PPFIA2: variants seen among roughly 807,000 people sequenced by gnomAD.
PPFIA2 encodes the protein liprin-alpha-2.
Under a neutral mutation model 175.5 loss-of-function variants are expected in PPFIA2, and 46 were observed. The observed-to-expected ratio is 0.26, with a 90% CI of 0.21 to 0.34. PPFIA2 has a LOEUF of 0.34. PPFIA2 is among the 10% of genes least tolerant of loss of function. The pLI is 1.00. For missense variants in PPFIA2, 1,179 were observed against 1,506.1 expected, an observed-to-expected ratio of 0.78 and a Z score of 3.60; for synonymous variants, 568 against 511.4, an observed-to-expected ratio of 1.11 and a Z score of -1.49.
intron 27 of PPFIA2, chr12:81,279,403 T>C (rs1399439009): frequency 2.0e-5 from 3 of 152,160 alleles, no homozygotes; most frequent in Non-Finnish European, 4.4e-5. Context: ...ATAATACTGA[T>C]ATAATCACTA....
intron 4 of PPFIA2, among the ~76,000 whole-genome samples, chr12:81,660,871 G>C (rs940696568): frequency 2.0e-5 from 3 of 152,200 alleles, no homozygotes; most frequent in Admixed American, 6.5e-5. Context: ...CTACAAGCCA[G>C]ATGAGAGTGG....
chr12:81,726,133 C>T (rs1174803992), intron 3 of PPFIA2, among the ~76,000 whole-genome samples: 4 of 151,122 alleles, frequency 2.6e-5, no homozygotes, highest in African/African-American at 9.7e-5. Flanking sequence ...TACTGATATC[C>T]TATAACATCT....
At position 81,304,462 on chromosome 12, in the gene PPFIA2, C is replaced by A. The variant is rs79879020; in HGVS notation, c.2643-5080G>T. On this transcript the variant is annotated intron_variant, in intron 22 of 32. Transcript: ENST00000549396. ...ACATACATAAACAAAATAAGTTGAG[C>A]CATTGATATGTGTTCTACAGGAGGT... is the stretch of plus-strand genomic sequence containing the variant. 1.8e-3 allele frequency among the ~76,000 whole-genome samples: 276 copies of A among 152,142 alleles called. 2 individuals are homozygous for A. Among genetic ancestry groups the A allele is most frequent in the African/African-American group, 6.2e-3 (257 of 41,512 alleles).
At chr12:81,339,052 A>G in intron 21 of PPFIA2, 128 bp downstream of exon 21, 3 of 879,108 alleles carry the variant, frequency 3.4e-6, no homozygotes, top group South Asian at 2.6e-5. Flanking sequence ...TAATCAAAAT[A>G]TAAATTTTGT....
intron 16 of PPFIA2, 108 bp from the exon 17 acceptor site, chr12:81,353,447 C>A: frequency 2.7e-6 from 2 of 728,032 alleles, no homozygotes; most frequent in Admixed American, 5.1e-5. Context: ...ACTGACCTTG[C>A]AAAAACTGAA....
At chr12:81,575,956 G>A (rs1346496999) in intron 4 of PPFIA2, among the ~76,000 whole-genome samples, 1 of 151,684 alleles carries the variant, frequency 6.6e-6, no homozygotes, top group Non-Finnish European at 1.5e-5. Context: ...ATGGCTGGTT[G>A]AGCCCCAGCA....
chr12:81,564,954 A>G (rs146801048), intron 4 of PPFIA2, among the ~76,000 whole-genome samples: 7 of 152,194 alleles, frequency 4.6e-5, no homozygotes, highest in African/African-American at 1.7e-4. Context: ...AGGTGCATGC[A>G]CAACCTCACC....
At position 81,323,259 on chromosome 12, in the gene PPFIA2, T is replaced by G. The variant is rs530040098; in HGVS notation, c.2642+2518A>C. The stretch of plus-strand genomic sequence containing the variant: ...GGCTATCCTCACAAAGACTAATGAA[T>G]CTCTGCTATGAATTATGGGATAGTG... On this transcript the variant is annotated intron_variant, in intron 22 of 32. Transcript: ENST00000549396. Among the ~76,000 whole-genome samples, 6 of 152,090 alleles carry G rather than the reference T, an allele frequency of 3.9e-5. No homozygotes were observed. The South Asian group carries it at 1.2e-3, about 31-fold the overall frequency.
chr12:81,270,359 C>T (rs1025221053), intron 28 of PPFIA2, among the ~76,000 whole-genome samples: 2 of 151,880 alleles, frequency 1.3e-5, no homozygotes, highest in African/African-American at 4.8e-5. Flanking sequence ...ATTGTGTTCC[C>T]CAAAATTCTT....
Position 81,708,280 on chromosome 12 carries a change from T to C in PPFIA2, c.250-31436A>G, listed in dbSNP as rs144738410. On this transcript the variant is annotated intron_variant, in intron 3 of 32. Transcript: ENST00000549396. Reference sequence around the variant, plus strand: ...TTATGTTTTTAATTGGAAGAAAAATTTTAAAAACAGAGGGTGGTATATAAT... The same window carrying C: ...TTATGTTTTTAATTGGAAGAAAAATCTTAAAAACAGAGGGTGGTATATAAT... Among the ~76,000 whole-genome samples the C allele has an allele frequency of 6.4e-3, 974 of 152,068 alleles. 13 individuals carry two copies. Among genetic ancestry groups the C allele is most frequent in the African/African-American group, 0.023 (934 of 41,490 alleles).
chr12:81,738,975 G>A (rs2081995625), intron 3 of PPFIA2, among the ~76,000 whole-genome samples: 2 of 151,760 alleles, frequency 1.3e-5, no homozygotes, highest in South Asian at 4.2e-4. Flanking sequence ...GAATTCAAGG[G>A]AAAATACCAG....
intron 4 of PPFIA2, among the ~76,000 whole-genome samples, chr12:81,483,006 T>C (rs982685997): frequency 1.3e-5 from 2 of 152,128 alleles, no homozygotes; most frequent in Admixed American, 6.6e-5. Context: ...GTGATAAAAA[T>C]TGAATTGTGT....
At chr12:81,584,424 T>C (rs541548578) in intron 4 of PPFIA2, among the ~76,000 whole-genome samples, 1 of 151,878 alleles carries the variant, frequency 6.6e-6, no homozygotes, top group South Asian at 2.1e-4. Flanking sequence ...AGTCCTATTA[T>C]AACCTCAGAG....
intron 8 of PPFIA2, among the ~76,000 whole-genome samples, chr12:81,390,612 T>A (rs2039939533): frequency 6.6e-6 from 1 of 152,030 alleles, no homozygotes; most frequent in South Asian, 2.1e-4. Flanking sequence ...GCCTTCATAT[T>A]AATTGATTTA....
intron 4 of PPFIA2, among the ~76,000 whole-genome samples, chr12:81,663,675 T>C (rs922655057): frequency 2.4e-4 from 37 of 152,272 alleles, no homozygotes; most frequent in African/African-American, 8.4e-4. Flanking sequence ...CTTCACAGAA[T>C]TGGAAAAAAC....
chr12:81,568,468 T>C (rs118166018), intron 4 of PPFIA2, among the ~76,000 whole-genome samples: 14,505 of 152,248 alleles, frequency 0.095, 959 homozygotes, highest in Middle Eastern at 0.13. Context: ...CCTAGCTCTA[T>C]AGAGCTTCCT....
At chr12:81,542,231 T>C (rs1489087750) in intron 4 of PPFIA2, among the ~76,000 whole-genome samples, 1 of 152,014 alleles carries the variant, frequency 6.6e-6, no homozygotes, top group Non-Finnish European at 1.5e-5. Context: ...CCATGCAAGC[T>C]GAGACTGGGG....
At chr12:81,661,829 C>G (rs542142535) in intron 4 of PPFIA2, among the ~76,000 whole-genome samples, 1 of 152,132 alleles carries the variant, frequency 6.6e-6, no homozygotes, top group Admixed American at 6.6e-5. Context: ...TCTAAAAGAA[C>G]AGAAATTATA....
At chr12:81,680,760 C>A (rs940325971) in intron 3 of PPFIA2, among the ~76,000 whole-genome samples, 1 of 151,950 alleles carries the variant, frequency 6.6e-6, no homozygotes, top group Non-Finnish European at 1.5e-5. Context: ...AACAATACAG[C>A]CCACTTCTCT....
Sources: gnomAD v4.1 joint callset for allele counts (sites outside exome capture counted in the v4.1 genomes callset) on GRCh38, gnomAD v4.1.1 for gene constraint, MANE v1.5 for transcripts, NCBI Gene and HGNC (gene_info 2026-07-23, HGNC 2026-07-21) for gene names.